The following NLGN1 variants were observed in gnomAD, a reference collection of about 807,000 sequenced individuals.
NLGN1 encodes neuroligin-1.
In NLGN1, 12 loss-of-function variants were observed where a neutral mutation model predicts 65.5. The ratio of observed to expected loss-of-function variants is 0.18; its 90% CI spans 0.12 to 0.30. The LOEUF (loss-of-function observed/expected upper bound fraction) is 0.30. NLGN1 is among the 10% of genes least tolerant of loss of function. The probability of loss-of-function intolerance (pLI) is 1.00; values close to 1 mark genes in which losing one functional copy is unlikely to be tolerated. For missense variants in NLGN1, 750 were observed against 1,007.1 expected (o/e 0.74, Z 3.46); for synonymous variants, 350 against 359.5 (o/e 0.97, Z 0.30).
At chr3:173,436,688 T>G (rs1238897093) in intron 2 of NLGN1, among the ~76,000 whole-genome samples, 1 of 152,182 alleles carries the variant, frequency 6.6e-6, no homozygotes, top group Non-Finnish European at 1.5e-5. Flanking sequence ...CCAGGCCCCC[T>G]TGATAGTTGG....
chr3:173,466,812 C>T lies in NLGN1; in HGVS notation c.-321+31734C>T, dbSNP rs186322169. ...CAACTTTAGAAATGCTGTAATACAC[C>T]TCACTTACCTAACGTCTTCAGGGAA... On this transcript the variant is annotated intron_variant, in intron 2 of 6. Transcript: ENST00000457714. Among the ~76,000 whole-genome samples the T allele has an allele frequency of 8.5e-5, 13 of 152,176 alleles. 1 individual carries two copies. Among genetic ancestry groups the T allele is most frequent in the Admixed American group, 2.0e-4 (3 of 15,264 alleles).
intron 4 of NLGN1, among the ~76,000 whole-genome samples, chr3:173,976,783 A>G (rs1245194602): frequency 6.6e-6 from 1 of 152,020 alleles, no homozygotes; most frequent in East Asian, 1.9e-4. Flanking sequence ...TCATGCACAC[A>G]TTGGCAGTTC....
chr3:174,214,028 G>A (rs978047376), intron 4 of NLGN1, among the ~76,000 whole-genome samples: 5 of 151,906 alleles, frequency 3.3e-5, no homozygotes, highest in African/African-American at 9.7e-5. Flanking sequence ...AATCACTTAG[G>A]ACAATGTTAC....
At chr3:173,640,428 A>G (rs958481751) in intron 3 of NLGN1, among the ~76,000 whole-genome samples, 4 of 152,096 alleles carry the variant, frequency 2.6e-5, no homozygotes, top group Admixed American at 2.6e-4. Flanking sequence ...TTATCTTTTT[A>G]TCTATCTATT....
chr3:173,729,262 A>G (rs1772380637), intron 3 of NLGN1, among the ~76,000 whole-genome samples: 1 of 152,086 alleles, frequency 6.6e-6, no homozygotes, highest in South Asian at 2.1e-4. Context: ...AAAATTCTCG[A>G]AAAACAAAAC....
At chr3:173,747,795 C>CTTCTTTTTTTTTTTTTTTTTTTTTTT (rs1560289220) in intron 3 of NLGN1, among the ~76,000 whole-genome samples, 6 of 78,572 alleles carry the variant, frequency 7.6e-5, no homozygotes, top group African/African-American at 3.7e-4. Context: ...TCTTCTTCTT[C>CTTCTTTTTTTTTTTTTTTTTTTTTTT]TTGTTCTTTT....
chr3:173,809,332 A>G lies in NLGN1; in HGVS notation c.646+1500A>G, dbSNP rs187461228. ...ATCTTAATGTTGTCATTTGTTTCCT[A>G]TGGAACATTTTCATTGGAAGGAGGG... On this transcript the variant is annotated intron_variant, in intron 4 of 6. Transcript: ENST00000457714. 1.1e-4 allele frequency among the ~76,000 whole-genome samples: 17 copies of G among 152,268 alleles called. No homozygotes were observed. The East Asian group carries it at 3.3e-3, about 29-fold the overall frequency.
intron 3 of NLGN1, chr3:173,644,226 G>C (rs1757876543): frequency 6.5e-6 from 1 of 152,714 alleles, no homozygotes; most frequent in African/African-American, 2.4e-5. Flanking sequence ...GCCCCAGTCA[G>C]CACCTTGGCA....
chr3:173,698,616 A>G (rs1298639314), intron 3 of NLGN1, among the ~76,000 whole-genome samples: 1 of 152,194 alleles, frequency 6.6e-6, no homozygotes, highest in African/African-American at 2.4e-5. Flanking sequence ...ATACAAAAAA[A>G]TTGGTTTTCA....
At chr3:174,183,130 A>G (rs1730750036) in intron 4 of NLGN1, among the ~76,000 whole-genome samples, 1 of 151,936 alleles carries the variant, frequency 6.6e-6, no homozygotes, top group South Asian at 2.1e-4. Context: ...TCTGCTTGTC[A>G]TAGGCCATTG....
intron 2 of NLGN1, among the ~76,000 whole-genome samples, chr3:173,558,951 A>AAG (rs2149288756): frequency 6.6e-6 from 1 of 152,258 alleles, no homozygotes; most frequent in South Asian, 2.1e-4. Context: ...CCTGGTGGTT[A>AAG]AGATGTAGGA....
intron 4 of NLGN1, among the ~76,000 whole-genome samples, chr3:173,863,728 C>T (rs1384674667): frequency 1.3e-5 from 2 of 152,096 alleles, no homozygotes; most frequent in African/African-American, 4.8e-5. Flanking sequence ...TAAGTTTCTC[C>T]CTTGCTCTGA....
chr3:173,481,315 A>G (rs1381406568), intron 2 of NLGN1, among the ~76,000 whole-genome samples: 1 of 152,024 alleles, frequency 6.6e-6, no homozygotes, highest in Non-Finnish European at 1.5e-5. Context: ...TGACTAATAT[A>G]AAATTATCAT....
chr3:174,043,402 C>G (rs551830522), intron 4 of NLGN1, among the ~76,000 whole-genome samples: 26 of 152,266 alleles, frequency 1.7e-4, no homozygotes, highest in African/African-American at 6.0e-4. Context: ...TCTTTTCCCC[C>G]GATGAGCCTG....
intron 4 of NLGN1, among the ~76,000 whole-genome samples, chr3:174,118,230 C>G (rs1216366628): frequency 6.6e-6 from 1 of 152,110 alleles, no homozygotes; most frequent in Non-Finnish European, 1.5e-5. Context: ...TCACTTTCTT[C>G]TTATTCGTAT....
At position 173,584,943 on chromosome 3, in the gene NLGN1, G is replaced by A. The variant is rs961520426; in HGVS notation, c.-320-19336G>A. On this transcript the variant is annotated intron_variant, in intron 2 of 6. Coordinates refer to ENST00000457714, the Ensembl canonical transcript of NLGN1. Reference sequence around the variant, plus strand: ...TGGACCATTTCAGCTTGAATTTGACGGCGAAGTGTTGTAGAGACCGTCTCC... The same window carrying A: ...TGGACCATTTCAGCTTGAATTTGACAGCGAAGTGTTGTAGAGACCGTCTCC... The A allele has an allele frequency of 2.6e-5, 4 of 152,198 alleles. No homozygotes were observed. In the South Asian group the frequency reaches 6.2e-4, roughly 24 times the overall value. The allele number at this position is 152,198 out of a possible 1,614,324, so 9.4% of individuals were successfully genotyped here.
At chr3:174,044,039 G>C (rs368233242) in intron 4 of NLGN1, among the ~76,000 whole-genome samples, 1 of 152,140 alleles carries the variant, frequency 6.6e-6, no homozygotes, top group Non-Finnish European at 1.5e-5. Flanking sequence ...GGAAGCTGCC[G>C]AGGCTTAGGG....
chr3:174,018,393 T>C (rs1416768888), intron 4 of NLGN1, among the ~76,000 whole-genome samples: 2 of 152,082 alleles, frequency 1.3e-5, no homozygotes, highest in African/African-American at 4.8e-5. Context: ...AGAATATTGA[T>C]TGGGGAAGTG....
chr3:174,280,101 G>A lies in NLGN1; in HGVS notation c.1650-380G>A, dbSNP rs1237294166. On this transcript the variant is annotated intron_variant, in intron 6 of 6. Transcript: ENST00000457714. The surrounding 1 kb of genome is among the most constrained non-coding windows in gnomAD (Gnocchi z 4.9). ...GTTCACATGTCTGGTATATAGCAGA[G>A]CCTAGGCTCAAACCTTCATCTGCTA... 6.6e-6 allele frequency among the ~76,000 whole-genome samples: 1 copy of A among 151,968 alleles called. No homozygotes were observed. Among genetic ancestry groups the A allele is most frequent in the Non-Finnish European group, 1.5e-5 (1 of 67,942 alleles).
Sources: allele counts gnomAD v4.1 joint callset (sites outside exome capture counted in the v4.1 genomes callset), GRCh38; gene constraint gnomAD v4.1.1; non-coding constraint Gnocchi (gnomAD v3.1); transcripts MANE v1.5; gene names NCBI Gene and HGNC (gene_info 2026-07-23, HGNC 2026-07-21).